ADAD1: variants seen among roughly 807,000 people sequenced by gnomAD.
The protein encoded by ADAD1 is adenosine deaminase domain containing 1.
In ADAD1, 46 loss-of-function variants were observed where a neutral mutation model predicts 66.8. That is an observed-to-expected ratio of 0.69 (90% confidence interval 0.54 to 0.88). The LOEUF is 0.88. Ranked by LOEUF, ADAD1 falls within the 40% of genes least tolerant of loss-of-function variation. ADAD1 has a pLI of 0.00. For missense variants in ADAD1, 617 were observed against 681.8 expected (o/e 0.91, Z 1.06); for synonymous variants, 248 against 229.4 (o/e 1.08, Z -0.73).
At chr4:122,410,580 T>C (rs948159648) in intron 8 of ADAD1, among the ~76,000 whole-genome samples, 1 of 152,234 alleles carries the variant, frequency 6.6e-6, no homozygotes, top group Non-Finnish European at 1.5e-5. Flanking sequence ...AAATGTGTAA[T>C]GATCAAGTCA....
intron 8 of ADAD1, among the ~76,000 whole-genome samples, chr4:122,408,839 C>T (rs1325636031): frequency 6.6e-6 from 1 of 151,802 alleles, no homozygotes; most frequent in Non-Finnish European, 1.5e-5. Flanking sequence ...ACCAAGACTG[C>T]TCCACTGCTC....
intron 11 of ADAD1, among the ~76,000 whole-genome samples, chr4:122,420,540 A>G (rs868591563): frequency 7.9e-5 from 12 of 152,266 alleles, no homozygotes; most frequent in Admixed American, 6.5e-4. Flanking sequence ...CTAAAATTCA[A>G]GGGAAGGGAA....
intron 5 of ADAD1, among the ~76,000 whole-genome samples, chr4:122,393,059 C>T (rs1360761799): frequency 6.9e-6 from 1 of 144,754 alleles, no homozygotes; most frequent in African/African-American, 2.5e-5. Flanking sequence ...TTTTTTGTCC[C>T]TCAGGTTTAG....
chr4:122,411,345 T>G lies in ADAD1; in HGVS notation c.972T>G (p.Leu324=). The G allele has an allele frequency of 1.2e-6, 2 of 1,613,318 alleles. No homozygotes were observed. The highest frequency in any genetic ancestry group is 1.7e-6 in the Non-Finnish European group (2 of 1,179,714). ...TTAAACAGAATATCAACATTTGCCT[T>G]TACATGAACCAGTTGCCTAAAGGAT... ...LTLKQNINIC[L]YMNQLPKGSA... Residue 324 remains leucine, a synonymous_variant, in exon 9 of 13, where the codon CTT becomes CTG. Transcript: ENST00000296513.
At chr4:122,412,983 G>A (rs17005722) in intron 10 of ADAD1, among the ~76,000 whole-genome samples, 174 bp downstream of exon 10, 4,328 of 152,218 alleles carry the variant, frequency 0.028, 201 homozygotes, top group African/African-American at 0.098. Context: ...TTATCAGGGA[G>A]AATGAATGAA....
intron 10 of ADAD1, among the ~76,000 whole-genome samples, chr4:122,413,527 C>G (rs1796566589): frequency 6.6e-6 from 1 of 151,946 alleles, no homozygotes; most frequent in South Asian, 2.1e-4. Flanking sequence ...AACCCCATTA[C>G]AATTATTTTT....
chr4:122,383,003 CAA>C (rs1794978744), intron 4 of ADAD1, among the ~76,000 whole-genome samples: 2 of 152,002 alleles, frequency 1.3e-5, no homozygotes, highest in Admixed American at 1.3e-4. Flanking sequence ...CATCTGTAAC[CAA>C]AGAGTGGAGA....
intron 7 of ADAD1, among the ~76,000 whole-genome samples, chr4:122,405,215 A>G (rs1235545226): frequency 6.6e-6 from 1 of 152,322 alleles, no homozygotes; most frequent in Non-Finnish European, 1.5e-5. Context: ...TCCATGAATA[A>G]TATATCTTTG....
chr4:122,380,786 T>G (rs1483517492), intron 3 of ADAD1, among the ~76,000 whole-genome samples: 1 of 152,200 alleles, frequency 6.6e-6, no homozygotes, highest in Non-Finnish European at 1.5e-5. Context: ...TGATATTACC[T>G]TTTTGCAAAA....
chr4:122,388,831 GA>G (rs1795306879), intron 5 of ADAD1, among the ~76,000 whole-genome samples: 1 of 151,836 alleles, frequency 6.6e-6, no homozygotes, highest in African/African-American at 2.4e-5. Flanking sequence ...TTCTGGATTC[GA>G]TTTTTTTTGG....
At chr4:122,381,226 A>G in intron 4 of ADAD1, 46 bp downstream of exon 4, 1 of 1,494,612 alleles carries the variant, frequency 6.7e-7, no homozygotes. Context: ...CGAAAAGTAT[A>G]GCAAAATAAT....
At chr4:122,418,516 G>C (rs994911584) in intron 11 of ADAD1, among the ~76,000 whole-genome samples, 1 of 151,880 alleles carries the variant, frequency 6.6e-6, no homozygotes, top group African/African-American at 2.4e-5. Flanking sequence ...TAGAAAGGAG[G>C]TTTCACCGTG....
chr4:122,419,049 A>C (rs989110083), intron 11 of ADAD1, among the ~76,000 whole-genome samples: 12 of 152,226 alleles, frequency 7.9e-5, no homozygotes, highest in African/African-American at 2.9e-4. Flanking sequence ...AAGGAATATA[A>C]ATCATTCTGT....
chr4:122,417,106 G>A (rs369940726), intron 11 of ADAD1, among the ~76,000 whole-genome samples: 1 of 152,206 alleles, frequency 6.6e-6, no homozygotes, highest in African/African-American at 2.4e-5. Flanking sequence ...AGGCTGAGGC[G>A]GGCAGATCAG....
At chr4:122,380,403 C>T (rs1794835018) in intron 3 of ADAD1, 162 bp downstream of exon 3, 2 of 778,530 alleles carry the variant, frequency 2.6e-6, no homozygotes, top group Admixed American at 3.1e-5. Context: ...TGGAGGAGGC[C>T]TGTAGAGCTC....
intron 10 of ADAD1, among the ~76,000 whole-genome samples, chr4:122,413,851 C>CATATATAT (rs377322878): frequency 0.051 from 6,448 of 126,346 alleles, 231 homozygotes; most frequent in Middle Eastern, 0.058. Flanking sequence ...TATGATAGAT[C>CATATATAT]ATATATATAT....
intron 10 of ADAD1, among the ~76,000 whole-genome samples, chr4:122,414,121 A>T (rs1040523323): frequency 1.3e-5 from 2 of 150,800 alleles, no homozygotes; most frequent in Admixed American, 1.3e-4. Context: ...AGTAAAATTT[A>T]TAATAAAATA....
At position 122,414,333 on chromosome 4, in the gene ADAD1, G is replaced by A. The variant is rs1226347366; in HGVS notation, c.1250-1046G>A. ...ATTGCAGAATGTAATAAATACATTA[G>A]GCTTTTTAAAAATCCTTATTATCTA... On this transcript the variant is annotated intron_variant, in intron 10 of 12. Coordinates refer to ENST00000296513, the MANE Select transcript of ADAD1 (RefSeq NM_139243.4). Among the ~76,000 whole-genome samples, 3 of 146,876 alleles carry A rather than the reference G, an allele frequency of 2.0e-5. No homozygotes were observed. In the Admixed American group the frequency reaches 2.1e-4, roughly 10 times the overall value.
chr4:122,391,568 T>G (rs1263570216), intron 5 of ADAD1, among the ~76,000 whole-genome samples: 2 of 152,204 alleles, frequency 1.3e-5, no homozygotes, highest in Non-Finnish European at 2.9e-5. Flanking sequence ...GCTGGAGTTA[T>G]TGGAGATCCT....
Sources: allele counts gnomAD v4.1 joint callset (sites outside exome capture counted in the v4.1 genomes callset), GRCh38; gene constraint gnomAD v4.1.1; transcripts MANE v1.5; gene names NCBI Gene and HGNC (gene_info 2026-07-23, HGNC 2026-07-21).